HS3ST2: variants seen among roughly 807,000 people sequenced by gnomAD.
HS3ST2 encodes the protein heparan sulfate glucosamine 3-O-sulfotransferase 2.
Under a neutral mutation model 26.3 loss-of-function variants are expected in HS3ST2, and 17 were observed. The observed-to-expected ratio is 0.65, with a 90% confidence interval of 0.44 to 0.97. The LOEUF (loss-of-function observed/expected upper bound fraction) is 0.97. HS3ST2 is among the 50% of genes least tolerant of loss of function. The pLI is 0.00. For synonymous variants in HS3ST2, 237 were observed against 219.2 expected (o/e 1.08, Z -0.72); for missense variants, 402 against 501.2 (o/e 0.80, Z 1.89).
intron 1 of HS3ST2, among the ~76,000 whole-genome samples, chr16:22,884,301 A>G (rs1902030870): frequency 6.6e-6 from 1 of 152,172 alleles, no homozygotes; most frequent in Non-Finnish European, 1.5e-5. Flanking sequence ...ATAGGAACCC[A>G]AGGAATAGAC....
intron 1 of HS3ST2, among the ~76,000 whole-genome samples, chr16:22,863,426 A>G (rs966348276): frequency 1.3e-5 from 2 of 152,158 alleles, no homozygotes; most frequent in African/African-American, 4.8e-5. Flanking sequence ...GTCTTTTTTA[A>G]AAAATAATTT....
intron 1 of HS3ST2, among the ~76,000 whole-genome samples, chr16:22,825,577 G>A (rs1364643005): frequency 6.6e-6 from 1 of 152,186 alleles, no homozygotes; most frequent in African/African-American, 2.4e-5. Context: ...TCCTGGAGGA[G>A]GTGGTATGTT....
chr16:22,843,284 A>G (rs76852563), intron 1 of HS3ST2, among the ~76,000 whole-genome samples: 2,110 of 152,048 alleles, frequency 0.014, 51 homozygotes, highest in African/African-American at 0.048. Flanking sequence ...ATTTCCCATC[A>G]CCAAGCAGCA....
intron 1 of HS3ST2, among the ~76,000 whole-genome samples, chr16:22,825,722 G>A (rs1294529085): frequency 3.9e-5 from 6 of 152,104 alleles, no homozygotes; most frequent in Non-Finnish European, 7.4e-5. Flanking sequence ...GTTTACAGTC[G>A]AATCACAAAA....
intron 1 of HS3ST2, among the ~76,000 whole-genome samples, chr16:22,837,511 G>GTA (rs956100872): frequency 4.2e-5 from 6 of 142,694 alleles, no homozygotes; most frequent in East Asian, 2.0e-4. Flanking sequence ...ATATATATGT[G>GTA]TATATATATA....
At chr16:22,888,206 G>T (rs1244512463) in intron 1 of HS3ST2, among the ~76,000 whole-genome samples, 1 of 152,008 alleles carries the variant, frequency 6.6e-6, no homozygotes, top group Non-Finnish European at 1.5e-5. Flanking sequence ...CTCTGTGTCT[G>T]CTTTTGGAGT....
At chr16:22,886,767 T>A (rs1902065168) in intron 1 of HS3ST2, among the ~76,000 whole-genome samples, 1 of 151,954 alleles carries the variant, frequency 6.6e-6, no homozygotes, top group Admixed American at 6.6e-5. Context: ...CACTTCTTTT[T>A]CTTTTTTTTT....
At chr16:22,841,844 C>T (rs1002521488) in intron 1 of HS3ST2, among the ~76,000 whole-genome samples, 4 of 151,934 alleles carry the variant, frequency 2.6e-5, no homozygotes, top group African/African-American at 9.7e-5. Flanking sequence ...CTCTGTTTTG[C>T]CTTCTCTTTC....
chr16:22,844,040 C>A (rs996657403), intron 1 of HS3ST2, among the ~76,000 whole-genome samples: 34 of 150,382 alleles, frequency 2.3e-4, no homozygotes, highest in Non-Finnish European at 3.7e-4. Flanking sequence ...CACACACGCA[C>A]ACACACACAT....
chr16:22,888,631 C>T lies in HS3ST2; in HGVS notation c.486-26313C>T, dbSNP rs542858592. ...CGATCTCCTGACCTTGTGATCCGCC[C>T]GCCTCGGCCTGGCAAAGTGCTGGGA... On this transcript the variant is annotated intron_variant, in intron 1 of 1. Coordinates refer to ENST00000261374, the MANE Select transcript of HS3ST2 (RefSeq NM_006043.2). Among the ~76,000 whole-genome samples, 66 of 152,110 alleles carry T rather than the reference C, an allele frequency of 4.3e-4. No individual in the cohort carries two copies. In the Middle Eastern group the frequency reaches 0.017, roughly 39 times the overall value.
intron 1 of HS3ST2, among the ~76,000 whole-genome samples, chr16:22,887,000 C>T (rs1839837952): frequency 6.6e-6 from 1 of 152,184 alleles, no homozygotes; most frequent in African/African-American, 2.4e-5. Flanking sequence ...GATCCTCCTG[C>T]CTCTGCCTTC....
chr16:22,815,664 G>A (rs1313734123), intron 1 of HS3ST2, among the ~76,000 whole-genome samples: 3 of 152,146 alleles, frequency 2.0e-5, no homozygotes, highest in African/African-American at 7.2e-5. Flanking sequence ...CTGGGGCTGA[G>A]ACCCCCAGTA....
intron 1 of HS3ST2, among the ~76,000 whole-genome samples, chr16:22,829,534 A>G (rs16951783): frequency 0.05 from 7,621 of 152,200 alleles, 250 homozygotes; most frequent in Middle Eastern, 0.1. Flanking sequence ...TGAACTCTCA[A>G]TTTATAATCA....
chr16:22,821,635 G>A (rs554126828), intron 1 of HS3ST2, among the ~76,000 whole-genome samples: 2 of 152,118 alleles, frequency 1.3e-5, no homozygotes, highest in South Asian at 2.1e-4. Flanking sequence ...AGCTAACTCC[G>A]GTGCAGGTTA....
At chr16:22,821,202 G>A (rs1481222325) in intron 1 of HS3ST2, among the ~76,000 whole-genome samples, 1 of 152,034 alleles carries the variant, frequency 6.6e-6, no homozygotes, top group East Asian at 1.9e-4. Flanking sequence ...ATGCGATGGT[G>A]GGCATGTCCT....
rs1159183388 is a variant in HS3ST2 at position 22,913,123 on chromosome 16, A to AAAGGAAGGAAGGAAGGAAGG, written c.486-1812_486-1793dup. ...AAAGAAAGAAAGAAAGAGAAGAAAG[A>AAAGGAAGGAAGGAAGGAAGG]AAGGAAGGAAGGAAGGAAGGAAGGA... On this transcript the variant is annotated intron_variant, in intron 1 of 1. Coordinates refer to ENST00000261374, the MANE Select transcript of HS3ST2 (RefSeq NM_006043.2). Among the ~76,000 whole-genome samples, 446 of 94,094 alleles carry AAAGGAAGGAAGGAAGGAAGG rather than the reference A, an allele frequency of 4.7e-3. 9 individuals carry two copies. The highest frequency in any genetic ancestry group is 0.013 in the African/African-American group (328 of 25,016). 61.7% of individuals were successfully genotyped at this position (94,094 alleles called of 152,430 possible).
In HS3ST2 at chr16:22,815,204, G is replaced by C. The variant is rs189402333; in HGVS notation, c.485+109G>C. On this transcript the variant is annotated intron_variant, in intron 1 of 1. Transcript: ENST00000261374. The stretch of plus-strand genomic sequence containing the variant: ...TCTTTTAACCCAACTCATTGTATGG[G>C]TTCAGGCTGACACACAGGGCCATGG... The C allele has an allele frequency of 5.2e-5, 74 of 1,416,806 alleles. No homozygotes were observed. The Admixed American group carries it at 1.3e-3, about 25-fold the overall frequency. 87.8% of individuals were successfully genotyped at this position (1,416,806 alleles called of 1,614,324 possible). A position where few individuals can be genotyped will look rare whatever the true frequency, so the allele number is the denominator to read the frequency against.
chr16:22,913,303 C>CCCGT (rs1460345791), intron 1 of HS3ST2, among the ~76,000 whole-genome samples: 2 of 152,014 alleles, frequency 1.3e-5, no homozygotes, highest in Non-Finnish European at 1.5e-5. Context: ...CAGGGATGCT[C>CCCGT]CCGTCCATCA....
chr16:22,874,931 C>T (rs1901893145), intron 1 of HS3ST2, among the ~76,000 whole-genome samples: 1 of 152,152 alleles, frequency 6.6e-6, no homozygotes. Flanking sequence ...GGGAAGGGCA[C>T]AGGGGCCAAG....
Sources: allele counts gnomAD v4.1 joint callset (sites outside exome capture counted in the v4.1 genomes callset), GRCh38; gene constraint gnomAD v4.1.1; transcripts MANE v1.5; gene names NCBI Gene and HGNC (gene_info 2026-07-23, HGNC 2026-07-21).